Variants in C4orf33 observed in about 807,000 individuals in gnomAD.
C4orf33 encodes UPF0462 protein C4orf33.
A neutral mutation model predicts 24.3 loss-of-function variants in C4orf33; 20 were observed. That is an observed-to-expected ratio of 0.82 (90% CI 0.58 to 1.19). The LOEUF (loss-of-function observed/expected upper bound fraction) is 1.19. Ranked by LOEUF, C4orf33 falls within the 50% of genes most tolerant of loss-of-function variation. C4orf33 has a pLI of 0.00. For missense variants in C4orf33, 207 were observed against 225.9 expected (o/e 0.92, Z 0.54); for synonymous variants, 67 against 76.4 (o/e 0.88, Z 0.64).
intron 3 of C4orf33, among the ~76,000 whole-genome samples, chr4:129,108,919 G>C (rs540849540): frequency 6.6e-6 from 1 of 151,268 alleles, no homozygotes; most frequent in South Asian, 2.1e-4. Context: ...ACAGAGTCTC[G>C]CTTTGTTGCC....
In C4orf33 at chr4:129,111,478, T is replaced by C. The variant is rs1324906074; in HGVS notation, c.495-208T>C. On this transcript the variant is annotated intron_variant, in intron 5 of 5. Transcript: ENST00000425929. Reference sequence around the variant, plus strand: ...GTTATTTGCAGAATTGAAAGAAGAGTGCTTTGAGATGCAGGTGAATGTTTT... The same window carrying C: ...GTTATTTGCAGAATTGAAAGAAGAGCGCTTTGAGATGCAGGTGAATGTTTT... 3.3e-5 allele frequency among the ~76,000 whole-genome samples: 5 copies of C among 152,296 alleles called. No homozygotes were observed. The South Asian group carries it at 1.0e-3, about 32-fold the overall frequency.
chr4:129,109,842 G>T lies in C4orf33; in HGVS notation c.494+170G>T, dbSNP rs532645909. ...CCTCAGAAAATACTTGGAAAACTTT[G>T]GACTGTCATAATCTCTCTCACTACT... On this transcript the variant is annotated intron_variant, in intron 5 of 5. Transcript: ENST00000425929. 3.4e-5 allele frequency: 32 copies of T among 938,832 alleles called. No homozygotes were observed. The Admixed American group carries it at 5.6e-4, about 16-fold the overall frequency. 58.2% of individuals were successfully genotyped at this position (938,832 alleles called of 1,614,324 possible).
intron 3 of C4orf33, 118 bp from the exon 4 acceptor site, chr4:129,109,189 G>A: frequency 9.2e-7 from 1 of 1,086,542 alleles, no homozygotes; most frequent in South Asian, 1.3e-5. Flanking sequence ...TGCTCAGCCT[G>A]CATCTTTTAA....
upstream of C4orf33, among the ~76,000 whole-genome samples, chr4:129,094,556 T>G (rs1561083050): frequency 6.6e-6 from 1 of 152,202 alleles, no homozygotes; most frequent in East Asian, 1.9e-4. Flanking sequence ...TAAGAAATTT[T>G]AAAAATGTAT....
Position 129,111,790 on chromosome 4 carries a change from A to G in C4orf33, c.599A>G (p.Ter200TrpextTer2), listed in dbSNP as rs145515029. ...DLWLIEKCDI* is the reference protein window; with the variant it reads ...DLWLIEKCDIW ...TGGCTAATAGAGAAATGTGATATAT[A>G]GGAGTAATAGATAACCATACCGATC... The change falls in exon 6 of 6, where the codon TAG (stop) becomes TGG (tryptophan). Residue 200 changes from the stop codon to tryptophan, a stop_lost. Transcript: ENST00000425929. 4.6e-5 allele frequency: 71 copies of G among 1,544,472 alleles called. No homozygotes were observed. Among genetic ancestry groups the G allele is most frequent in the Non-Finnish European group, 5.8e-5 (65 of 1,118,706 alleles).
upstream of C4orf33, among the ~76,000 whole-genome samples, chr4:129,094,920 G>A (rs770056881): frequency 2.3e-4 from 35 of 152,056 alleles, no homozygotes; most frequent in Non-Finnish European, 4.3e-4. Flanking sequence ...GTATATTGTC[G>A]TATTTCTACT....
At chr4:129,111,496 A>G (rs2125804963) in intron 5 of C4orf33, among the ~76,000 whole-genome samples, 190 bp from the exon 6 acceptor site, 1 of 152,368 alleles carries the variant, frequency 6.6e-6, no homozygotes, top group South Asian at 2.1e-4. Flanking sequence ...GATGCAGGTG[A>G]ATGTTTTCAG....
intron 3 of C4orf33, among the ~76,000 whole-genome samples, 187 bp from the exon 4 acceptor site, chr4:129,109,120 A>G (rs1379376842): frequency 2.0e-5 from 3 of 152,152 alleles, no homozygotes; most frequent in Non-Finnish European, 2.9e-5. Context: ...TGATCTCCTG[A>G]CCTCGTGATC....
chr4:129,101,591 G>A (rs1452805336), intron 1 of C4orf33, among the ~76,000 whole-genome samples: 1 of 152,200 alleles, frequency 6.6e-6, no homozygotes, highest in Non-Finnish European at 1.5e-5. Context: ...TGCTAGTCAC[G>A]TGACCTTGGA....
intron 1 of C4orf33, among the ~76,000 whole-genome samples, chr4:129,097,937 C>T (rs1348367464): frequency 6.6e-6 from 1 of 152,156 alleles, no homozygotes; most frequent in Non-Finnish European, 1.5e-5. Context: ...CATTTTCTCT[C>T]CGTGAACTGG....
chr4:129,094,985 G>A (rs1490998758), upstream of C4orf33, among the ~76,000 whole-genome samples: 2 of 152,098 alleles, frequency 1.3e-5, no homozygotes, highest in East Asian at 3.9e-4. Context: ...CAAACTGGAT[G>A]GAAGCAAATA....
upstream of C4orf33, among the ~76,000 whole-genome samples, chr4:129,094,470 C>G (rs535105823): frequency 2.8e-4 from 43 of 152,260 alleles, no homozygotes; most frequent in African/African-American, 9.9e-4. Context: ...ATTTGGCTTT[C>G]TGTTTAACGG....
rs1580024444 is a variant in C4orf33, at chr4:129,116,245, T to A, written c.*4454T>A. ...TTGTCTGATATTTATAAATCTAATATGTAATATAAAGGAGAAATAGGAAAT... is the reference window on the plus strand; with the variant it reads ...TTGTCTGATATTTATAAATCTAATAAGTAATATAAAGGAGAAATAGGAAAT... On this transcript the variant is annotated 3_prime_UTR_variant, in exon 6 of 6. Coordinates refer to ENST00000425929, the MANE Select transcript of C4orf33 (RefSeq NM_001099783.2). 6.6e-6 allele frequency: 1 copy of A among 152,296 alleles called. No individual in the cohort carries two copies. The highest frequency in any genetic ancestry group is 1.9e-4 in the East Asian group (1 of 5,186). 9.4% of individuals were successfully genotyped at this position (152,296 alleles called of 1,614,324 possible).
upstream of C4orf33, among the ~76,000 whole-genome samples, chr4:129,094,511 T>C (rs1753120267): frequency 6.6e-6 from 1 of 152,230 alleles, no homozygotes; most frequent in Admixed American, 6.5e-5. Context: ...GTACTCATAA[T>C]GTCATATAAA....
intron 3 of C4orf33, among the ~76,000 whole-genome samples, chr4:129,108,086 G>A (rs1474938999): frequency 6.6e-6 from 1 of 152,006 alleles, no homozygotes; most frequent in African/African-American, 2.4e-5. Flanking sequence ...GAAAGCAACA[G>A]GAAGAATTTT....
At chr4:129,102,997 A>G (rs1382142873) in intron 2 of C4orf33, 4 of 421,522 alleles carry the variant, frequency 9.5e-6, no homozygotes, top group South Asian at 5.6e-5. Flanking sequence ...CAGTTAAAAA[A>G]TGGCAATTAC....
upstream of C4orf33, among the ~76,000 whole-genome samples, chr4:129,095,334 C>T (rs72927928): frequency 4.9e-3 from 750 of 152,256 alleles, 4 homozygotes; most frequent in African/African-American, 0.016. Flanking sequence ...CTCCTTCCTG[C>T]ATTATCTGTC....
intron 3 of C4orf33, among the ~76,000 whole-genome samples, 163 bp from the exon 4 acceptor site, chr4:129,109,144 C>T (rs544412725): frequency 6.6e-6 from 1 of 152,334 alleles, no homozygotes; most frequent in African/African-American, 2.4e-5. Flanking sequence ...CCGCCTTGGC[C>T]TCCCAAAGTG....
At chr4:129,106,732 A>C in intron 3 of C4orf33, 85 bp downstream of exon 3, 6 of 689,616 alleles carry the variant, frequency 8.7e-6, no homozygotes, top group East Asian at 3.1e-5. Flanking sequence ...GTAAAAGCTC[A>C]TTAATTCCAG....
Sources: allele counts gnomAD v4.1 joint callset (sites outside exome capture counted in the v4.1 genomes callset), GRCh38; gene constraint gnomAD v4.1.1; transcripts MANE v1.5; gene names NCBI Gene and HGNC (gene_info 2026-07-23, HGNC 2026-07-21).